TPH2: variants seen among roughly 807,000 people sequenced by gnomAD.
TPH2 encodes the protein tryptophan hydroxylase 2.
Under a neutral mutation model 59.1 loss-of-function variants are expected in TPH2, and 27 were observed. The observed-to-expected ratio is 0.46, with a 90% CI of 0.34 to 0.63. The LOEUF (loss-of-function observed/expected upper bound fraction) is 0.63. Among genes scored for constraint, TPH2 ranks in the 30% least tolerant of loss-of-function variants. The probability of loss-of-function intolerance (pLI) is 0.01; values close to 1 mark genes in which losing one functional copy is unlikely to be tolerated. For synonymous variants in TPH2, 220 were observed against 210.5 expected (o/e 1.05, Z -0.39); for missense variants, 523 against 588.3 (o/e 0.89, Z 1.15).
chr12:72,007,839 G>T (rs1056433328), intron 8 of TPH2, among the ~76,000 whole-genome samples: 2 of 152,034 alleles, frequency 1.3e-5, no homozygotes, highest in African/African-American at 2.4e-5. Context: ...TAATAGGCAA[G>T]GTAAGGGCAT....
At chr12:71,954,226 T>C (rs17110489) in intron 5 of TPH2, among the ~76,000 whole-genome samples, 34,433 of 151,998 alleles carry the variant, frequency 0.23, 4,113 homozygotes, top group East Asian at 0.34. Flanking sequence ...CAGGCGAGCT[T>C]CTGATTGACA....
At chr12:71,958,142 C>G (rs1871564613) in intron 5 of TPH2, among the ~76,000 whole-genome samples, 1 of 152,184 alleles carries the variant, frequency 6.6e-6, no homozygotes, top group Non-Finnish European at 1.5e-5. Context: ...TTGCATGAAA[C>G]ACCAGGTATA....
chr12:71,952,136 T>C (rs1566117516), intron 5 of TPH2, among the ~76,000 whole-genome samples: 2 of 152,166 alleles, frequency 1.3e-5, no homozygotes, highest in Non-Finnish European at 2.9e-5. Context: ...AGAAAACATA[T>C]TTATATGGAG....
chr12:72,022,374 T>C, intron 8 of TPH2, 25 bp from the exon 9 acceptor site: 3 of 1,582,166 alleles, frequency 1.9e-6, no homozygotes, highest in South Asian at 1.1e-5. Context: ...ACCAGTTCAC[T>C]GAATATGTGT....
intron 7 of TPH2, among the ~76,000 whole-genome samples, chr12:71,984,111 G>A (rs1872365241): frequency 6.6e-6 from 1 of 152,196 alleles, no homozygotes; most frequent in Non-Finnish European, 1.5e-5. Context: ...CAGGGCACAA[G>A]TGACTAATAT....
intron 6 of TPH2, 87 bp from the exon 7 acceptor site, chr12:71,978,865 C>T: frequency 2.6e-6 from 4 of 1,547,978 alleles, no homozygotes; most frequent in Non-Finnish European, 3.6e-6. Flanking sequence ...GTTTCTGGAT[C>T]TTCCTTATAA....
chr12:71,993,052 T>C (rs896459664), intron 7 of TPH2, among the ~76,000 whole-genome samples: 1 of 152,236 alleles, frequency 6.6e-6, no homozygotes, highest in African/African-American at 2.4e-5. Context: ...AATTTGGAGT[T>C]TGTTTCAGTA....
In TPH2 at chr12:71,941,655, C is replaced by T. The variant is rs201100007; in HGVS notation, c.177C>T (p.Thr59=). Residue 59 remains threonine, a synonymous_variant, in exon 2 of 11, where the codon ACC becomes ACT. Coordinates refer to ENST00000333850, the MANE Select transcript of TPH2 (RefSeq NM_173353.4). ...GAAGCAGCAAACGTGAAGCTGCTAC[C>T]GAAAGTGGCAAGACAGCAGTTGTTT... ...NKGSSKREAA[T]ESGKTAVVFS... is the part of the protein sequence containing the mutation. 10 of 1,614,002 alleles carry T rather than the reference C, an allele frequency of 6.2e-6. No homozygotes were observed. Among genetic ancestry groups the T allele is most frequent in the South Asian group, 3.3e-5 (3 of 91,082 alleles).
chr12:71,967,192 T>C (rs1036429154), intron 5 of TPH2, among the ~76,000 whole-genome samples: 1 of 152,228 alleles, frequency 6.6e-6, no homozygotes, highest in Non-Finnish European at 1.5e-5. Flanking sequence ...TATCTATACC[T>C]GCCCTCAATT....
chr12:71,996,711 T>C (rs924491719), intron 8 of TPH2, among the ~76,000 whole-genome samples: 1 of 152,126 alleles, frequency 6.6e-6, no homozygotes, highest in African/African-American at 2.4e-5. Flanking sequence ...GGCATCTAAA[T>C]AGAGGAGAAG....
At chr12:71,949,777 C>T (rs1482750658) in intron 5 of TPH2, 122 bp downstream of exon 5, 3 of 774,484 alleles carry the variant, frequency 3.9e-6, no homozygotes, top group African/African-American at 1.7e-5. Flanking sequence ...CCATTTTAAA[C>T]ACTCACCAAC....
At chr12:71,958,879 A>C (rs1000405767) in intron 5 of TPH2, among the ~76,000 whole-genome samples, 10 of 152,210 alleles carry the variant, frequency 6.6e-5, no homozygotes, top group Non-Finnish European at 1.0e-4. Context: ...ACCCTAAAAC[A>C]AAACAGCTCC....
At chr12:71,954,652 C>G (rs1871444258) in intron 5 of TPH2, among the ~76,000 whole-genome samples, 1 of 152,152 alleles carries the variant, frequency 6.6e-6, no homozygotes, top group Non-Finnish European at 1.5e-5. Flanking sequence ...AGTTTTCTCT[C>G]TTTAGTGCCT....
intron 4 of TPH2, among the ~76,000 whole-genome samples, chr12:71,947,860 G>A (rs895780858): frequency 1.3e-5 from 2 of 152,182 alleles, no homozygotes; most frequent in African/African-American, 2.4e-5. Flanking sequence ...CAGAAGAGAG[G>A]CAGTTGAGAT....
At chr12:71,950,040 C>T (rs553428695) in intron 5 of TPH2, among the ~76,000 whole-genome samples, 33 of 152,242 alleles carry the variant, frequency 2.2e-4, no homozygotes, top group African/African-American at 7.0e-4. Flanking sequence ...TCAGCAAGAA[C>T]GGTGAAAGGG....
chr12:71,942,163 ATTCCCCTAAG>A, intron 2 of TPH2, among the ~76,000 whole-genome samples: 1 of 152,326 alleles, frequency 6.6e-6, no homozygotes, highest in Non-Finnish European at 1.5e-5. Context: ...GGCACACGGT[ATTCCCCTAAG>A]TCTCATTGTT....
At chr12:71,956,419 T>TCTCC (rs111895824) in intron 5 of TPH2, among the ~76,000 whole-genome samples, 2 of 138,856 alleles carry the variant, frequency 1.4e-5, no homozygotes, top group African/African-American at 2.7e-5. Flanking sequence ...TCCTTCCCTC[T>TCTCC]CTCCCTCCCT....
At chr12:71,975,733 T>A (rs1040550093) in intron 6 of TPH2, among the ~76,000 whole-genome samples, 4 of 152,258 alleles carry the variant, frequency 2.6e-5, no homozygotes, top group African/African-American at 7.2e-5. Context: ...TTCTATGTTA[T>A]GTGTGAACAT....
intron 5 of TPH2, among the ~76,000 whole-genome samples, chr12:71,966,143 G>T (rs1192639870): frequency 6.6e-6 from 1 of 152,068 alleles, no homozygotes; most frequent in African/African-American, 2.4e-5. Flanking sequence ...CAAATTCAGG[G>T]TATATTTATT....
Sources: gnomAD v4.1 joint callset for allele counts (sites outside exome capture counted in the v4.1 genomes callset) on GRCh38, gnomAD v4.1.1 for gene constraint, MANE v1.5 for transcripts, NCBI Gene and HGNC (gene_info 2026-07-23, HGNC 2026-07-21) for gene names.